The following FBXL17 variants were observed in gnomAD, a reference collection of about 807,000 sequenced individuals.
FBXL17 encodes the protein F-box and leucine rich repeat protein 17.
Under a neutral mutation model 66.2 loss-of-function variants are expected in FBXL17, and 22 were observed. The observed-to-expected ratio is 0.33, with a 90% CI of 0.24 to 0.47. The LOEUF is 0.47. Among genes scored for constraint, FBXL17 ranks in the 20% least tolerant of loss-of-function variants. FBXL17 has a pLI of 1.00. For synonymous variants in FBXL17, 474 were observed against 400.5 expected, an observed-to-expected ratio of 1.18 and a Z score of -2.19; for missense variants, 878 against 948.2, an observed-to-expected ratio of 0.93 and a Z score of 0.97.
At chr5:107,928,675 A>G (rs1414521521) in intron 7 of FBXL17, among the ~76,000 whole-genome samples, 1 of 152,082 alleles carries the variant, frequency 6.6e-6, no homozygotes, top group Non-Finnish European at 1.5e-5. Context: ...GATGAGAAAG[A>G]GGTAGTGGTT....
At chr5:108,323,242 A>T (rs6863590) in intron 4 of FBXL17, among the ~76,000 whole-genome samples, 2,404 of 151,966 alleles carry the variant, frequency 0.016, 70 homozygotes, top group African/African-American at 0.054. Flanking sequence ...ATTATAATAA[A>T]TGACTTCAGC....
chr5:108,040,030 C>A (rs1561380690), intron 6 of FBXL17, among the ~76,000 whole-genome samples: 1 of 152,158 alleles, frequency 6.6e-6, no homozygotes, highest in South Asian at 2.1e-4. Flanking sequence ...TTTCTCTAAA[C>A]CAAACTTCCC....
intron 5 of FBXL17, among the ~76,000 whole-genome samples, chr5:108,195,867 G>A (rs1753659025): frequency 6.6e-6 from 1 of 152,044 alleles, no homozygotes; most frequent in Non-Finnish European, 1.5e-5. Context: ...CAAGAGTTTT[G>A]GTTTGAGCAA....
chr5:108,370,810 A>G (rs10477894), intron 1 of FBXL17, among the ~76,000 whole-genome samples: 45,146 of 152,012 alleles, frequency 0.3, 7,054 homozygotes, highest in Middle Eastern at 0.4. Context: ...AACATGTATT[A>G]AGCCCACTAC....
chr5:108,381,149 C>A lies in FBXL17; in HGVS notation c.543G>T (p.Gly181=). 2 of 1,399,546 alleles carry A rather than the reference C, an allele frequency of 1.4e-6. No individual in the cohort carries two copies. The highest frequency in any genetic ancestry group is 9.3e-7 in the Non-Finnish European group (1 of 1,079,558). 86.7% of individuals were successfully genotyped at this position (1,399,546 alleles called of 1,614,324 possible). Residue 181 remains glycine, a synonymous_variant, in exon 1 of 9, where the codon GGG becomes GGT. Coordinates refer to ENST00000542267, the MANE Select transcript of FBXL17 (RefSeq NM_001163315.3). ...GGAGCTCGGCCGGTGACGGTGTCGG[C>A]CCCCGGAAGAGCTGCACGGCGGCGG... is the stretch of plus-strand genomic sequence containing the variant. ...GPPAAVQLFR[G]PTPSPAELPT...
At chr5:108,049,663 G>A (rs942231569) in intron 6 of FBXL17, among the ~76,000 whole-genome samples, 5 of 152,144 alleles carry the variant, frequency 3.3e-5, no homozygotes, top group Non-Finnish European at 7.4e-5. Flanking sequence ...ATGACACTAT[G>A]AAGAAACTGC....
At chr5:108,179,655 A>G (rs1752926736) in intron 6 of FBXL17, among the ~76,000 whole-genome samples, 1 of 152,144 alleles carries the variant, frequency 6.6e-6, no homozygotes, top group African/African-American at 2.4e-5. Flanking sequence ...CTGTTTGAAC[A>G]CTAACAAAGA....
chr5:108,228,732 T>C (rs536382961), intron 4 of FBXL17, among the ~76,000 whole-genome samples: 24 of 152,314 alleles, frequency 1.6e-4, no homozygotes, highest in Non-Finnish European at 2.8e-4. Context: ...TAAAGCATTA[T>C]AGTTTCTTCT....
At chr5:108,225,251 T>C (rs1018883519) in intron 4 of FBXL17, among the ~76,000 whole-genome samples, 2 of 152,230 alleles carry the variant, frequency 1.3e-5, no homozygotes, top group Non-Finnish European at 2.9e-5. Context: ...GGAATTTCCT[T>C]ACTTTTCAAG....
intron 6 of FBXL17, among the ~76,000 whole-genome samples, chr5:108,090,134 T>G (rs1749134779): frequency 6.6e-6 from 1 of 152,184 alleles, no homozygotes; most frequent in Non-Finnish European, 1.5e-5. Flanking sequence ...CAGCCAAAAT[T>G]GAATGTTTTA....
At chr5:108,265,260 C>T (rs903282647) in intron 4 of FBXL17, among the ~76,000 whole-genome samples, 5 of 151,984 alleles carry the variant, frequency 3.3e-5, no homozygotes, top group African/African-American at 9.7e-5. Flanking sequence ...GAACTATCTG[C>T]ACTGATCTTC....
intron 4 of FBXL17, among the ~76,000 whole-genome samples, chr5:108,283,676 T>C (rs549816337): frequency 4.3e-4 from 65 of 151,524 alleles, no homozygotes; most frequent in Non-Finnish European, 1.3e-4. Context: ...CAAAAAGAGA[T>C]GAATGTGACT....
rs941646497 is a variant in FBXL17 at position 108,199,926 on chromosome 5, CTT to C, written c.1615-13681_1615-13680del. Among the ~76,000 whole-genome samples, 41 of 152,144 alleles carry C rather than the reference CTT, an allele frequency of 2.7e-4. 1 individual carries two copies. Among genetic ancestry groups the C allele is most frequent in the African/African-American group, 8.4e-4 (35 of 41,516 alleles). On this transcript the variant is annotated intron_variant, in intron 5 of 8. Transcript: ENST00000542267. ...TGGATATGGTAGCGTAAGCCAGAAA[CTT>C]AGCAACAGCAGGAAACCACCAGCAT... is the stretch of plus-strand genomic sequence containing the variant.
intron 6 of FBXL17, among the ~76,000 whole-genome samples, chr5:108,092,016 C>G (rs1365092340): frequency 1.3e-5 from 2 of 152,184 alleles, no homozygotes; most frequent in Non-Finnish European, 2.9e-5. Context: ...TATCTTTCCT[C>G]TGTTTATTTT....
intron 4 of FBXL17, among the ~76,000 whole-genome samples, chr5:108,256,465 C>T (rs28513512): frequency 0.049 from 7,506 of 152,168 alleles, 620 homozygotes; most frequent in African/African-American, 0.17. Context: ...TTCCACACCA[C>T]CTCTACCCTA....
chr5:108,154,662 C>CATATATACAT (rs1751918040), intron 6 of FBXL17, among the ~76,000 whole-genome samples: 3 of 130,796 alleles, frequency 2.3e-5, no homozygotes, highest in African/African-American at 8.6e-5. Flanking sequence ...TATGTATATA[C>CATATATACAT]ATATATATGT....
At chr5:108,047,000 G>T (rs796715714) in intron 6 of FBXL17, among the ~76,000 whole-genome samples, 39 of 152,254 alleles carry the variant, frequency 2.6e-4, no homozygotes, top group African/African-American at 9.4e-4. Flanking sequence ...TCCTTGATCT[G>T]AAAAACGTCT....
At chr5:108,253,165 C>G (rs568575929) in intron 4 of FBXL17, among the ~76,000 whole-genome samples, 1 of 152,154 alleles carries the variant, frequency 6.6e-6, no homozygotes, top group Non-Finnish European at 1.5e-5. Context: ...AAAGCTTTCC[C>G]AACCTGTACT....
intron 6 of FBXL17, among the ~76,000 whole-genome samples, chr5:108,157,554 A>C (rs1752042937): frequency 6.6e-6 from 1 of 151,838 alleles, no homozygotes; most frequent in African/African-American, 2.4e-5. Flanking sequence ...TGAAGGCTCA[A>C]TAACCAGTGA....
Sources: allele counts gnomAD v4.1 joint callset (sites outside exome capture counted in the v4.1 genomes callset), GRCh38; gene constraint gnomAD v4.1.1; transcripts MANE v1.5; gene names NCBI Gene and HGNC (gene_info 2026-07-23, HGNC 2026-07-21).